The following GRIK3 variants were observed in gnomAD, a reference collection of about 807,000 sequenced individuals.
GRIK3 encodes the protein glutamate ionotropic receptor kainate type subunit 3.
In GRIK3, 29 loss-of-function variants were observed where a neutral mutation model predicts 102.5. The observed-to-expected ratio is 0.28, with a 90% CI of 0.21 to 0.39. The LOEUF is 0.39. GRIK3 is among the 10% of genes least tolerant of loss of function. The pLI, the probability that GRIK3 is intolerant of heterozygous loss-of-function variation, is 1.00. For missense variants in GRIK3, 908 were observed against 1,252.4 expected (o/e 0.73, Z 4.15); for synonymous variants, 511 against 504.9 (o/e 1.01, Z -0.16).
intron 10 of GRIK3, among the ~76,000 whole-genome samples, chr1:36,839,496 A>G (rs1640421786): frequency 6.6e-6 from 1 of 152,124 alleles, no homozygotes; most frequent in South Asian, 2.1e-4. Context: ...CAGAGAGATA[A>G]GGGGACTTCC....
intron 7 of GRIK3, among the ~76,000 whole-genome samples, chr1:36,855,939 A>T: frequency 6.6e-6 from 1 of 152,370 alleles, no homozygotes; most frequent in Middle Eastern, 3.4e-3. Context: ...TGAATGATGC[A>T]GGTCTCAAGT....
chr1:36,875,618 A>C (rs1640905220), intron 3 of GRIK3, among the ~76,000 whole-genome samples: 1 of 152,200 alleles, frequency 6.6e-6, no homozygotes, highest in Non-Finnish European at 1.5e-5. Flanking sequence ...GGAGGATGAG[A>C]GACAGGTGGA....
intron 2 of GRIK3, among the ~76,000 whole-genome samples, chr1:36,890,515 C>G (rs1003737182): frequency 6.6e-6 from 1 of 151,752 alleles, no homozygotes; most frequent in Non-Finnish European, 1.5e-5. Context: ...GGGACTCTGA[C>G]TGCCAGAATA....
chr1:36,958,490 T>C lies in GRIK3; in HGVS notation c.116-67394A>G, dbSNP rs144879168. 1.8e-4 allele frequency among the ~76,000 whole-genome samples: 26 copies of C among 143,902 alleles called. 1 individual carries two copies. Among genetic ancestry groups the C allele is most frequent in the African/African-American group, 6.0e-4 (23 of 38,346 alleles). The allele number at this position is 143,902 out of a possible 152,430, so 94.4% of individuals were successfully genotyped here. ...GTGCCCCCTAAGTCTGTGTGCTCTG[T>C]GAGTCTGTGCTCCATGAGTCTGTGC... On this transcript the variant is annotated intron_variant, in intron 1 of 15. Transcript: ENST00000373091.
At chr1:36,932,569 A>G (rs1254299527) in intron 1 of GRIK3, among the ~76,000 whole-genome samples, 1 of 152,228 alleles carries the variant, frequency 6.6e-6, no homozygotes. Flanking sequence ...TTCCATTTCC[A>G]ATGAAGGGTC....
intron 1 of GRIK3, among the ~76,000 whole-genome samples, 166 bp from the exon 2 acceptor site, chr1:36,891,262 G>C (rs888795207): frequency 6.6e-6 from 1 of 152,208 alleles, no homozygotes; most frequent in Non-Finnish European, 1.5e-5. Context: ...ACAAGAAATA[G>C]GAAAATCCTC....
intron 1 of GRIK3, among the ~76,000 whole-genome samples, chr1:36,946,015 C>T (rs923044710): frequency 6.6e-6 from 1 of 152,202 alleles, no homozygotes; most frequent in African/African-American, 2.4e-5. Context: ...AGGGGACACC[C>T]ATGAGAATGA....
intron 1 of GRIK3, among the ~76,000 whole-genome samples, chr1:36,996,315 T>A (rs1339938299): frequency 2.0e-5 from 3 of 152,224 alleles, no homozygotes; most frequent in Non-Finnish European, 4.4e-5. Context: ...TGAAATGAGA[T>A]GACGCACATT....
intron 7 of GRIK3, among the ~76,000 whole-genome samples, chr1:36,857,895 T>G (rs1238180516): frequency 6.6e-6 from 1 of 152,234 alleles, no homozygotes; most frequent in East Asian, 1.9e-4. Context: ...GATCTGCATG[T>G]GCACAGGCGA....
At chr1:37,010,421 T>C (rs965603835) in intron 1 of GRIK3, among the ~76,000 whole-genome samples, 17 of 152,248 alleles carry the variant, frequency 1.1e-4, no homozygotes, top group African/African-American at 4.1e-4. Context: ...AGATCCTTTC[T>C]ACAATCCTGG....
intron 1 of GRIK3, among the ~76,000 whole-genome samples, chr1:36,996,234 G>C (rs956952435): frequency 3.3e-5 from 5 of 152,228 alleles, no homozygotes; most frequent in African/African-American, 1.2e-4. Context: ...AGGCAAGTCT[G>C]TCTAAGCCTT....
rs534566912 is a variant in GRIK3 at position 36,968,023 on chromosome 1, G to A, written c.115+65971C>T. Among the ~76,000 whole-genome samples the A allele has an allele frequency of 7.2e-5, 11 of 152,250 alleles. No homozygotes were observed. The East Asian group carries it at 1.2e-3, about 16-fold the overall frequency. On this transcript the variant is annotated intron_variant, in intron 1 of 15. Transcript: ENST00000373091. ...TGTGTTTGCCACTAGGCCCTCTGTC[G>A]TACTGAGAAACTGAGCTGGCAGAGC...
In GRIK3 at chr1:36,927,758, G is replaced by A. The variant is rs539000293; in HGVS notation, c.116-36662C>T. 5.9e-5 allele frequency among the ~76,000 whole-genome samples: 9 copies of A among 152,328 alleles called. No individual in the cohort carries two copies. The East Asian group carries it at 1.7e-3, about 29-fold the overall frequency. Reference sequence around the variant, plus strand: ...TCCTTTGTGGTGGAGGAGACCAAAGGTCGGTAATAGATTTCAACAGGTTCC... The same window carrying A: ...TCCTTTGTGGTGGAGGAGACCAAAGATCGGTAATAGATTTCAACAGGTTCC... On this transcript the variant is annotated intron_variant, in intron 1 of 15. Coordinates refer to ENST00000373091, the MANE Select transcript of GRIK3 (RefSeq NM_000831.4).
chr1:37,034,084 G>A lies in GRIK3; in HGVS notation c.25C>T (p.Arg9Trp). 1.3e-6 allele frequency: 2 copies of A among 1,589,664 alleles called. No individual in the cohort carries two copies. The part of the protein sequence containing the change: MTAPWRRL[R>W]SLVWEYWAGL... Reference sequence around the variant, plus strand: ...GCCCAGTATTCCCAAACCAGACTCCGGAGGCGCCGCCAGGGAGCGGTCATC... The same window carrying A: ...GCCCAGTATTCCCAAACCAGACTCCAGAGGCGCCGCCAGGGAGCGGTCATC... The change falls in exon 1 of 16, where the codon CGG becomes TGG. Residue 9 changes from arginine (R) to tryptophan (W), a missense_variant. This residue lies in a region of GRIK3 where 585 missense variants were observed against 824.9 expected (regional missense o/e 0.71). Transcript: ENST00000373091.
chr1:36,948,338 G>A lies in GRIK3; in HGVS notation c.116-57242C>T, dbSNP rs926108710. Among the ~76,000 whole-genome samples the A allele has an allele frequency of 2.0e-5, 3 of 152,200 alleles. No homozygotes were observed. The South Asian group carries it at 6.2e-4, about 31-fold the overall frequency. ...TCCTGTACTGGGAGAGGCCTACTAC[G>A]TGCCAGGCTCCATGCTGAGAAAGCA... On this transcript the variant is annotated intron_variant, in intron 1 of 15. Transcript: ENST00000373091.
intron 1 of GRIK3, among the ~76,000 whole-genome samples, chr1:37,026,013 TA>T (rs1274519454): frequency 6.6e-6 from 1 of 152,120 alleles, no homozygotes; most frequent in Non-Finnish European, 1.5e-5. Flanking sequence ...CTAGGAGAGC[TA>T]AAGTGTCTAT....
chr1:36,982,439 C>T (rs1020948697), intron 1 of GRIK3, among the ~76,000 whole-genome samples: 1 of 152,212 alleles, frequency 6.6e-6, no homozygotes, highest in Non-Finnish European at 1.5e-5. Flanking sequence ...AGCCTCGCGT[C>T]CTTGCTACTT....
intron 1 of GRIK3, among the ~76,000 whole-genome samples, chr1:36,978,010 T>C (rs1570840504): frequency 6.6e-6 from 1 of 152,376 alleles, no homozygotes; most frequent in African/African-American, 2.4e-5. Context: ...ATTATGGCAG[T>C]GTTCCCTACT....
chr1:36,842,678 G>A (rs1276534909), intron 9 of GRIK3, among the ~76,000 whole-genome samples: 3 of 152,198 alleles, frequency 2.0e-5, no homozygotes, highest in African/African-American at 7.2e-5. Context: ...ATGCCCATGG[G>A]GGGCCTAGCA....
Sources: allele counts gnomAD v4.1 joint callset (sites outside exome capture counted in the v4.1 genomes callset), GRCh38; gene constraint gnomAD v4.1.1; regional missense constraint gnomAD v4.1.1; transcripts MANE v1.5; gene names NCBI Gene and HGNC (gene_info 2026-07-23, HGNC 2026-07-21).